The following RBFOX1 variants were observed in gnomAD, a reference collection of about 807,000 sequenced individuals.
RBFOX1 encodes the protein RNA binding protein fox-1 homolog 1.
Under a neutral mutation model 57.7 loss-of-function variants are expected in RBFOX1, and 8 were observed. That is an observed-to-expected ratio of 0.14 (90% CI 0.08 to 0.25). RBFOX1 has a LOEUF of 0.25. Ranked by LOEUF, RBFOX1 falls within the 10% of genes least tolerant of loss-of-function variation. RBFOX1 has a pLI of 1.00. For missense variants in RBFOX1, 611 were observed against 548.5 expected (o/e 1.11, Z -1.14); for synonymous variants, 326 against 222.4 (o/e 1.47, Z -4.15).
At chr16:7,491,671 C>G (rs574957453) in intron 4 of RBFOX1, among the ~76,000 whole-genome samples, 1 of 152,048 alleles carries the variant, frequency 6.6e-6, no homozygotes, top group Admixed American at 6.6e-5. Flanking sequence ...TGCTCTGTCA[C>G]CCAGGCTGGA....
At chr16:7,580,042 T>C (rs2093632207) in intron 6 of RBFOX1, 122 bp downstream of exon 6, 2 of 1,063,578 alleles carry the variant, frequency 1.9e-6, no homozygotes, top group South Asian at 1.6e-5. Flanking sequence ...AGAAACAATT[T>C]AGAGCCTAGT....
At chr16:6,725,205 C>A (rs1265523743) in intron 3 of RBFOX1, among the ~76,000 whole-genome samples, 1 of 151,988 alleles carries the variant, frequency 6.6e-6, no homozygotes, top group African/African-American at 2.4e-5. Context: ...CACCCGCCAC[C>A]ATGCCCAGCT....
intron 4 of RBFOX1, among the ~76,000 whole-genome samples, chr16:7,385,833 A>T (rs2097865270): frequency 6.6e-6 from 1 of 152,126 alleles, no homozygotes; most frequent in Non-Finnish European, 1.5e-5. Context: ...GGCTCACTGC[A>T]ACCTCCGCCT....
intron 3 of RBFOX1, among the ~76,000 whole-genome samples, chr16:5,813,257 C>T (rs1421608574): frequency 3.9e-5 from 6 of 152,262 alleles, no homozygotes; most frequent in South Asian, 4.2e-4. Context: ...CCGCCTATTT[C>T]GGCCTCCCAA....
chr16:6,121,151 C>A (rs1294007261), intron 1 of RBFOX1, among the ~76,000 whole-genome samples: 1 of 152,204 alleles, frequency 6.6e-6, no homozygotes, highest in African/African-American at 2.4e-5. Context: ...TGTCCAGGCA[C>A]AGCCCTGCCA....
chr16:5,430,279 G>A (rs1187543189), intron 1 of RBFOX1, among the ~76,000 whole-genome samples: 1 of 152,162 alleles, frequency 6.6e-6, no homozygotes, highest in African/African-American at 2.4e-5. Flanking sequence ...CTGGGGGTCA[G>A]GGGAGGCCTC....
chr16:6,396,577 C>T (rs28815177), intron 2 of RBFOX1, among the ~76,000 whole-genome samples: 1 of 152,102 alleles, frequency 6.6e-6, no homozygotes. Context: ...CGAGTGGATA[C>T]TCGAGTTGCT....
chr16:6,545,124 C>G (rs775533369), intron 2 of RBFOX1, among the ~76,000 whole-genome samples: 1 of 152,004 alleles, frequency 6.6e-6, no homozygotes, highest in Non-Finnish European at 1.5e-5. Context: ...TCTAAAAATC[C>G]GCGTACTTTT....
At chr16:6,143,331 T>C (rs1424551771) in intron 1 of RBFOX1, among the ~76,000 whole-genome samples, 1 of 152,234 alleles carries the variant, frequency 6.6e-6, no homozygotes, top group Non-Finnish European at 1.5e-5. Context: ...TGGGTTTGTG[T>C]ACCAGATGAG....
intron 12 of RBFOX1, among the ~76,000 whole-genome samples, chr16:7,662,634 G>A (rs1421086344): frequency 2.0e-5 from 3 of 152,176 alleles, no homozygotes; most frequent in African/African-American, 7.2e-5. Context: ...TTTAATGTGA[G>A]GCAGAAATTG....
intron 3 of RBFOX1, among the ~76,000 whole-genome samples, chr16:5,816,321 A>G (rs1378652379): frequency 6.6e-6 from 1 of 152,126 alleles, no homozygotes; most frequent in Non-Finnish European, 1.5e-5. Context: ...GTACCCGTCA[A>G]TTACAAAACC....
intron 2 of RBFOX1, among the ~76,000 whole-genome samples, chr16:6,492,069 C>T (rs970151319): frequency 2.0e-5 from 3 of 151,890 alleles, no homozygotes; most frequent in African/African-American, 4.8e-5. Flanking sequence ...TGGCAAAGGA[C>T]ATGAATATAG....
chr16:6,858,110 T>TAAATACAGTTATTA (rs1398974028), intron 3 of RBFOX1, among the ~76,000 whole-genome samples: 1 of 152,200 alleles, frequency 6.6e-6, no homozygotes, highest in African/African-American at 2.4e-5. Context: ...TTGGAGTTAT[T>TAAATACAGTTATTA]AAATACAGTT....
rs572405160 is a variant in RBFOX1 at position 7,624,923 on chromosome 16, G to A, written c.677-5680G>A. ...CACACGTGGAGTGGTTTTAAGGAGC[G>A]AAAAGTGTAATAGGCAAGAAAGGAG... On this transcript the variant is annotated intron_variant, in intron 10 of 15. Transcript: ENST00000550418. Among the ~76,000 whole-genome samples the A allele has an allele frequency of 1.2e-4, 18 of 152,232 alleles. 1 individual carries two copies. The East Asian group carries it at 2.3e-3, about 20-fold the overall frequency.
chr16:6,819,492 T>C (rs2090841661), intron 3 of RBFOX1, among the ~76,000 whole-genome samples: 1 of 151,548 alleles, frequency 6.6e-6, no homozygotes, highest in Admixed American at 6.6e-5. Context: ...TCACCTGAGG[T>C]CGGGAGTTTG....
At chr16:6,181,584 G>A (rs1198967715) in intron 1 of RBFOX1, among the ~76,000 whole-genome samples, 1 of 152,104 alleles carries the variant, frequency 6.6e-6, no homozygotes, top group Non-Finnish European at 1.5e-5. Context: ...CAACGCATTG[G>A]GAAAACTTGT....
intron 4 of RBFOX1, among the ~76,000 whole-genome samples, chr16:7,496,747 G>GGAAAAAAA (rs373032267): frequency 7.8e-6 from 1 of 127,504 alleles, no homozygotes; most frequent in African/African-American, 2.9e-5. Context: ...CTACAGAACA[G>GGAAAAAAA]AAAAAAAAAA....
intron 3 of RBFOX1, among the ~76,000 whole-genome samples, chr16:6,847,127 G>C (rs931770813): frequency 6.6e-6 from 1 of 152,116 alleles, no homozygotes; most frequent in African/African-American, 2.4e-5. Context: ...CTCAGAGATG[G>C]TTCATCCACT....
chr16:5,460,086 A>G (rs1380070647), intron 1 of RBFOX1, among the ~76,000 whole-genome samples: 1 of 152,186 alleles, frequency 6.6e-6, no homozygotes, highest in African/African-American at 2.4e-5. Context: ...GTAAGGAGCT[A>G]GGAGTGTAAA....
Sources: gnomAD v4.1 joint callset for allele counts (sites outside exome capture counted in the v4.1 genomes callset) on GRCh38, gnomAD v4.1.1 for gene constraint, MANE v1.5 for transcripts, NCBI Gene and HGNC (gene_info 2026-07-23, HGNC 2026-07-21) for gene names.